Variants in CTNND2 observed in about 807,000 individuals in gnomAD.
CTNND2 encodes catenin delta 2.
A neutral mutation model predicts 144.4 loss-of-function variants in CTNND2; 22 were observed. The ratio of observed to expected loss-of-function variants is 0.15; its 90% CI spans 0.11 to 0.22. The LOEUF (loss-of-function observed/expected upper bound fraction) is 0.22. CTNND2 is among the 10% of genes least tolerant of loss of function. The pLI is 1.00. For synonymous variants in CTNND2, 751 were observed against 695.6 expected (o/e 1.08, Z -1.25); for missense variants, 1,353 against 1,618.8 (o/e 0.84, Z 2.82).
At chr5:11,743,524 T>C (rs1788136924) in intron 1 of CTNND2, among the ~76,000 whole-genome samples, 1 of 152,158 alleles carries the variant, frequency 6.6e-6, no homozygotes, top group Non-Finnish European at 1.5e-5. Context: ...AAATATAGAA[T>C]CTGGCAAAAC....
At chr5:11,856,711 C>T (rs950953574) in intron 1 of CTNND2, among the ~76,000 whole-genome samples, 5 of 152,114 alleles carry the variant, frequency 3.3e-5, no homozygotes, top group Non-Finnish European at 5.9e-5. Flanking sequence ...CATCTCCCTT[C>T]GACATATATG....
chr5:11,721,373 T>C (rs1409430375), intron 2 of CTNND2, among the ~76,000 whole-genome samples: 2 of 140,338 alleles, frequency 1.4e-5, no homozygotes, highest in Non-Finnish European at 3.0e-5. Context: ...CTCAATAAGC[T>C]GTTTTTTTTT....
At chr5:11,130,551 C>A (rs573101694) in intron 12 of CTNND2, among the ~76,000 whole-genome samples, 81 of 152,292 alleles carry the variant, frequency 5.3e-4, no homozygotes, top group Admixed American at 9.2e-4. Context: ...CTGAAAGTTT[C>A]CCATTGGGCT....
intron 5 of CTNND2, 150 bp downstream of exon 5, chr5:11,411,386 C>G: frequency 1.7e-6 from 1 of 585,706 alleles, no homozygotes; most frequent in East Asian, 2.9e-5. Context: ...GGGAAGGGAA[C>G]AGATGGGACG....
chr5:11,375,609 T>C (rs1359541388), intron 7 of CTNND2, among the ~76,000 whole-genome samples: 1 of 152,180 alleles, frequency 6.6e-6, no homozygotes, highest in Non-Finnish European at 1.5e-5. Flanking sequence ...TGAATCGCAG[T>C]TGTATTCATT....
At chr5:11,778,330 C>A (rs1007154903) in intron 1 of CTNND2, among the ~76,000 whole-genome samples, 1 of 151,828 alleles carries the variant, frequency 6.6e-6, no homozygotes, top group Non-Finnish European at 1.5e-5. Context: ...GGCAGTGGTG[C>A]GGGGAAGAAG....
intron 2 of CTNND2, among the ~76,000 whole-genome samples, chr5:11,592,549 G>A (rs1046888842): frequency 2.0e-5 from 3 of 151,752 alleles, no homozygotes; most frequent in African/African-American, 7.3e-5. Context: ...TCATAACAGT[G>A]GTTTAAGGGA....
At chr5:11,295,914 T>C (rs376586196) in intron 9 of CTNND2, among the ~76,000 whole-genome samples, 7 of 151,996 alleles carry the variant, frequency 4.6e-5, no homozygotes, top group African/African-American at 1.7e-4. Flanking sequence ...ATTCAGGACA[T>C]AGGCATGGGC....
intron 1 of CTNND2, among the ~76,000 whole-genome samples, chr5:11,889,761 C>T (rs1736822539): frequency 6.6e-6 from 1 of 152,156 alleles, no homozygotes; most frequent in South Asian, 2.1e-4. Context: ...CTTGAAGTCA[C>T]AAGAATTCAC....
chr5:11,339,861 C>G (rs1449301417), intron 9 of CTNND2, among the ~76,000 whole-genome samples: 2 of 152,178 alleles, frequency 1.3e-5, no homozygotes, highest in Non-Finnish European at 2.9e-5. Context: ...CTTTTCATAT[C>G]AAGCTACCCA....
chr5:11,435,593 T>C (rs1763702255), intron 3 of CTNND2, among the ~76,000 whole-genome samples: 3 of 152,212 alleles, frequency 2.0e-5, no homozygotes, highest in South Asian at 4.1e-4. Flanking sequence ...CATACATTTT[T>C]ATACAAAAAC....
chr5:11,549,640 T>C (rs911598574), intron 3 of CTNND2, among the ~76,000 whole-genome samples: 1 of 152,214 alleles, frequency 6.6e-6, no homozygotes, highest in African/African-American at 2.4e-5. Flanking sequence ...GGTAAAATTC[T>C]TTTCTAGTAC....
intron 16 of CTNND2, among the ~76,000 whole-genome samples, chr5:11,038,046 C>A (rs965370108): frequency 6.6e-6 from 1 of 152,094 alleles, no homozygotes; most frequent in Non-Finnish European, 1.5e-5. Flanking sequence ...GTGATAATGA[C>A]CATGCCAGAG....
chr5:11,561,660 T>C (rs903598548), intron 3 of CTNND2, among the ~76,000 whole-genome samples: 9 of 152,302 alleles, frequency 5.9e-5, no homozygotes, highest in Admixed American at 1.3e-4. Context: ...TCCTGTACTA[T>C]TGGATGGACT....
intron 2 of CTNND2, among the ~76,000 whole-genome samples, chr5:11,630,184 G>GT (rs1407233478): frequency 2.0e-5 from 3 of 152,162 alleles, no homozygotes; most frequent in African/African-American, 7.2e-5. Flanking sequence ...CCAATGCATA[G>GT]TTCACCATGT....
intron 2 of CTNND2, among the ~76,000 whole-genome samples, chr5:11,601,071 AGATG>A (rs1779767297): frequency 2.0e-5 from 3 of 152,332 alleles, no homozygotes; most frequent in Middle Eastern, 3.4e-3. Flanking sequence ...CTATATATAT[AGATG>A]TAGAAATATC....
At chr5:11,149,264 C>T (rs763670645) in intron 12 of CTNND2, among the ~76,000 whole-genome samples, 28 of 152,306 alleles carry the variant, frequency 1.8e-4, no homozygotes, top group South Asian at 6.2e-4. Flanking sequence ...ATCACGGTGA[C>T]GCTTTCCTTT....
chr5:11,417,013 T>C (rs953250999), intron 3 of CTNND2, among the ~76,000 whole-genome samples: 1 of 152,224 alleles, frequency 6.6e-6, no homozygotes, highest in Non-Finnish European at 1.5e-5. Flanking sequence ...ACATCAGTGA[T>C]GCTAGGAAAG....
chr5:11,697,854 G>A (rs983438935), intron 2 of CTNND2, among the ~76,000 whole-genome samples: 4 of 152,092 alleles, frequency 2.6e-5, no homozygotes, highest in African/African-American at 7.2e-5. Context: ...CCTAAAGGAC[G>A]GGAAGGCATC....
Sources: allele counts gnomAD v4.1 joint callset (sites outside exome capture counted in the v4.1 genomes callset), GRCh38; gene constraint gnomAD v4.1.1; transcripts MANE v1.5; gene names NCBI Gene and HGNC (gene_info 2026-07-23, HGNC 2026-07-21).